Variants in GPC6 observed in about 807,000 individuals in gnomAD.
GPC6 encodes glypican-6.
A neutral mutation model predicts 55.2 loss-of-function variants in GPC6; 14 were observed. The ratio of observed to expected loss-of-function variants is 0.25; its 90% confidence interval spans 0.17 to 0.40. The LOEUF (loss-of-function observed/expected upper bound fraction) is 0.40, where lower values mean the gene tolerates loss of function less well. GPC6 is among the 10% of genes least tolerant of loss of function. GPC6 has a pLI of 1.00. For missense variants in GPC6, 641 were observed against 708.5 expected (o/e 0.90, Z 1.08); for synonymous variants, 278 against 259.6 (o/e 1.07, Z -0.68).
intron 2 of GPC6, among the ~76,000 whole-genome samples, chr13:93,813,312 A>G (rs1262086112): frequency 6.6e-6 from 1 of 152,150 alleles, no homozygotes; most frequent in Admixed American, 6.5e-5. Context: ...ACAGCTACTC[A>G]GGAGCCTGAG....
intron 2 of GPC6, among the ~76,000 whole-genome samples, chr13:93,658,749 ATACT>A (rs1213594207): frequency 2.6e-5 from 4 of 151,766 alleles, no homozygotes; most frequent in African/African-American, 4.8e-5. Context: ...ATTATAAAAC[ATACT>A]TAATATTAAA....
At chr13:93,232,660 C>T (rs186487133) in intron 1 of GPC6, among the ~76,000 whole-genome samples, 42 of 152,202 alleles carry the variant, frequency 2.8e-4, no homozygotes, top group Non-Finnish European at 5.3e-4. Context: ...AAATGTACAG[C>T]ATTATGTTCT....
At chr13:93,884,298 A>T (rs2140312395) in intron 3 of GPC6, among the ~76,000 whole-genome samples, 1 of 152,158 alleles carries the variant, frequency 6.6e-6, no homozygotes, top group South Asian at 2.1e-4. Flanking sequence ...TTATCTCTTC[A>T]TATGCCTATC....
chr13:94,268,961 G>T (rs1316584785), intron 4 of GPC6, among the ~76,000 whole-genome samples: 1 of 152,204 alleles, frequency 6.6e-6, no homozygotes. Flanking sequence ...TTGGAAGCCA[G>T]GGGCTCATGG....
At chr13:94,024,813 A>T (rs1566302555) in intron 3 of GPC6, among the ~76,000 whole-genome samples, 1 of 152,224 alleles carries the variant, frequency 6.6e-6, no homozygotes, top group Non-Finnish European at 1.5e-5. Flanking sequence ...AAACAAAGTT[A>T]AAAAGCAACA....
intron 2 of GPC6, among the ~76,000 whole-genome samples, chr13:93,590,432 T>G (rs1437494042): frequency 2.6e-5 from 4 of 152,148 alleles, no homozygotes; most frequent in Admixed American, 6.6e-5. Context: ...TAAAGAAGTA[T>G]AACTACAAAT....
At chr13:93,361,813 T>TTTA (rs2139178221) in intron 1 of GPC6, among the ~76,000 whole-genome samples, 1 of 152,206 alleles carries the variant, frequency 6.6e-6, no homozygotes, top group South Asian at 2.1e-4. Flanking sequence ...AAACCCGACT[T>TTTA]CAGTAAGGGC....
At chr13:93,777,381 C>T (rs2138901669) in intron 2 of GPC6, among the ~76,000 whole-genome samples, 1 of 152,300 alleles carries the variant, frequency 6.6e-6, no homozygotes, top group Middle Eastern at 3.4e-3. Flanking sequence ...AGATAACTCT[C>T]CTAAACAGAG....
At chr13:93,909,927 C>T (rs546420480) in intron 3 of GPC6, among the ~76,000 whole-genome samples, 1 of 152,180 alleles carries the variant, frequency 6.6e-6, no homozygotes, top group South Asian at 2.1e-4. Flanking sequence ...AACGTAGATT[C>T]CTCCACCTCC....
At chr13:93,398,847 T>C (rs1173575695) in intron 1 of GPC6, among the ~76,000 whole-genome samples, 1 of 152,202 alleles carries the variant, frequency 6.6e-6, no homozygotes, top group Non-Finnish European at 1.5e-5. Flanking sequence ...GGGCAAAGCC[T>C]GTGTACTTGA....
chr13:94,168,210 T>C (rs1211604547), intron 4 of GPC6, among the ~76,000 whole-genome samples: 3 of 152,242 alleles, frequency 2.0e-5, no homozygotes, highest in Non-Finnish European at 4.4e-5. Flanking sequence ...TTACATTCTA[T>C]GACAACGTCA....
intron 2 of GPC6, among the ~76,000 whole-genome samples, chr13:93,725,033 T>C (rs1883585346): frequency 6.6e-6 from 1 of 152,060 alleles, no homozygotes; most frequent in Admixed American, 6.6e-5. Context: ...TGATCAATAA[T>C]GATGTAACCT....
In GPC6 at chr13:94,068,411, G is replaced by A. The variant is rs796261810; in HGVS notation, c.877+40517G>A. 2.6e-5 allele frequency among the ~76,000 whole-genome samples: 4 copies of A among 152,192 alleles called. No individual in the cohort carries two copies. The South Asian group carries it at 8.3e-4, about 32-fold the overall frequency. ...TAAAATTCAAGATGAGATTTGGGTG[G>A]GGACACAGCCAAACCATATCATTCC... On this transcript the variant is annotated intron_variant, in intron 4 of 8. Transcript: ENST00000377047.
At chr13:94,137,449 G>GT (rs1887222704) in intron 4 of GPC6, among the ~76,000 whole-genome samples, 1 of 152,144 alleles carries the variant, frequency 6.6e-6, no homozygotes, top group African/African-American at 2.4e-5. Flanking sequence ...ATATAGAGAG[G>GT]TGAGAGACTC....
At chr13:93,555,949 A>C (rs1275719228) in intron 2 of GPC6, among the ~76,000 whole-genome samples, 1 of 152,174 alleles carries the variant, frequency 6.6e-6, no homozygotes, top group Non-Finnish European at 1.5e-5. Context: ...GGGGCAAAGA[A>C]ATTTGACAGA....
Position 93,321,028 on chromosome 13 carries a change from T to G in GPC6, c.160+93412T>G, listed in dbSNP as rs1412913956. 2.0e-5 allele frequency among the ~76,000 whole-genome samples: 3 copies of G among 152,168 alleles called. No homozygotes were observed. In the East Asian group the frequency reaches 5.8e-4, roughly 29 times the overall value. ...AATTTTTTTCTGCAGTATGCTTGAT[T>G]GTTAATTTCCAGGTCAGCATCTAGT... is the stretch of plus-strand genomic sequence containing the variant. On this transcript the variant is annotated intron_variant, in intron 1 of 8. Coordinates refer to ENST00000377047, the MANE Select transcript of GPC6 (RefSeq NM_005708.5).
intron 1 of GPC6, among the ~76,000 whole-genome samples, chr13:93,380,023 G>A (rs1461546212): frequency 6.6e-6 from 1 of 151,008 alleles, no homozygotes; most frequent in Non-Finnish European, 1.5e-5. Context: ...GGGGTAAGGC[G>A]ATGCTGGGTG....
chr13:93,916,845 G>T (rs1877319893), intron 3 of GPC6, among the ~76,000 whole-genome samples: 1 of 151,964 alleles, frequency 6.6e-6, no homozygotes, highest in South Asian at 2.1e-4. Flanking sequence ...TTATTATTTT[G>T]TTGCAAAATA....
In GPC6 at chr13:94,109,875, A is replaced by C. The variant is rs181527471; in HGVS notation, c.877+81981A>C. ...CACTCAGAAGCTTTCCCTCATTAAA[A>C]ATAAAGTGTTCTAGTCATTGTGGCT... On this transcript the variant is annotated intron_variant, in intron 4 of 8. Coordinates refer to ENST00000377047, the MANE Select transcript of GPC6 (RefSeq NM_005708.5). 1.5e-3 allele frequency among the ~76,000 whole-genome samples: 227 copies of C among 152,202 alleles called. 2 individuals carry two copies. Among genetic ancestry groups the C allele is most frequent in the African/African-American group, 4.6e-3 (189 of 41,528 alleles).
Sources: allele counts gnomAD v4.1 joint callset (sites outside exome capture counted in the v4.1 genomes callset), GRCh38; gene constraint gnomAD v4.1.1; transcripts MANE v1.5; gene names NCBI Gene and HGNC (gene_info 2026-07-23, HGNC 2026-07-21).